Variants in NCOA1 observed in about 807,000 individuals in gnomAD.
NCOA1 encodes nuclear receptor coactivator 1.
In NCOA1, 35 loss-of-function variants were observed where a neutral mutation model predicts 150.9. The ratio of observed to expected loss-of-function variants is 0.23; its 90% CI spans 0.18 to 0.31. NCOA1 has a LOEUF of 0.31. Among genes scored for constraint, NCOA1 ranks in the 10% least tolerant of loss-of-function variants. The probability of loss-of-function intolerance (pLI) is 1.00; values close to 1 mark genes in which losing one functional copy is unlikely to be tolerated. For synonymous variants in NCOA1, 590 were observed against 630.0 expected (o/e 0.94, Z 0.95); for missense variants, 1,491 against 1,749.3 (o/e 0.85, Z 2.63).
At chr2:24,691,710 G>A in intron 9 of NCOA1, 50 bp downstream of exon 9, 1 of 1,551,904 alleles carries the variant, frequency 6.4e-7, no homozygotes, top group Non-Finnish European at 8.8e-7. Context: ...GTGACTTTAA[G>A]GAAAAGAGAG....
Position 24,747,829 on chromosome 2 carries a change from G to C in NCOA1, c.3707-4153G>C, listed in dbSNP as rs1664013292. On this transcript the variant is annotated intron_variant, in intron 19 of 22. Coordinates refer to ENST00000348332, the MANE Select transcript of NCOA1 (RefSeq NM_003743.5). ...ATAAATGAAAAAAAAAATGGATGCT[G>C]GGCACAGTGGTTCATGCCTGTAATC... Among the ~76,000 whole-genome samples, 3 of 152,096 alleles carry C rather than the reference G, an allele frequency of 2.0e-5. No homozygotes were observed. In the South Asian group the frequency reaches 6.2e-4, roughly 32 times the overall value.
At chr2:24,763,265 C>T (rs930747745) in intron 22 of NCOA1, among the ~76,000 whole-genome samples, 5 of 152,064 alleles carry the variant, frequency 3.3e-5, no homozygotes, top group Admixed American at 6.6e-5. Context: ...GTGGGCCGGG[C>T]GCGGTGGCTC....
At chr2:24,693,853 A>G (rs1341899812) in intron 10 of NCOA1, among the ~76,000 whole-genome samples, 1 of 152,034 alleles carries the variant, frequency 6.6e-6, no homozygotes, top group Non-Finnish European at 1.5e-5. Flanking sequence ...TTCAGTGACA[A>G]ATTGTGTTAT....
intron 1 of NCOA1, among the ~76,000 whole-genome samples, chr2:24,539,640 T>C (rs1189079245): frequency 6.6e-6 from 1 of 152,218 alleles, no homozygotes; most frequent in Non-Finnish European, 1.5e-5. Flanking sequence ...AGACTGAACC[T>C]TCACTACCTT....
At chr2:24,516,906 A>G (rs1664196843) in intron 1 of NCOA1, among the ~76,000 whole-genome samples, 1 of 135,978 alleles carries the variant, frequency 7.4e-6, no homozygotes, top group Non-Finnish European at 1.6e-5. Context: ...CCACATATAT[A>G]TGTGCATGTG....
chr2:24,561,734 A>G (rs1666299868), intron 1 of NCOA1, among the ~76,000 whole-genome samples: 1 of 152,232 alleles, frequency 6.6e-6, no homozygotes, highest in African/African-American at 2.4e-5. Flanking sequence ...TGAAATCACC[A>G]GGAATACCCT....
chr2:24,667,706 T>A (rs1215708964), intron 6 of NCOA1, among the ~76,000 whole-genome samples: 1 of 152,152 alleles, frequency 6.6e-6, no homozygotes, highest in African/African-American at 2.4e-5. Flanking sequence ...TTCCTCACAC[T>A]CTCTGCCCTG....
intron 8 of NCOA1, 72 bp downstream of exon 8, chr2:24,683,200 G>A: frequency 3.5e-6 from 3 of 851,282 alleles, no homozygotes; most frequent in Non-Finnish European, 3.3e-6. Context: ...TGTATAATAT[G>A]TGATTATTAT....
chr2:24,540,976 A>G (rs1665368820), intron 1 of NCOA1, among the ~76,000 whole-genome samples: 1 of 152,200 alleles, frequency 6.6e-6, no homozygotes, highest in Non-Finnish European at 1.5e-5. Context: ...TGCAACAGTA[A>G]AAGCATTTTG....
At chr2:24,659,567 AAT>A (rs1367387646) in intron 5 of NCOA1, among the ~76,000 whole-genome samples, 2 of 152,182 alleles carry the variant, frequency 1.3e-5, no homozygotes, top group African/African-American at 4.8e-5. Context: ...ACATTTGAAA[AAT>A]ATGTTTTTCT....
At chr2:24,524,334 C>T (rs997401681) in intron 1 of NCOA1, among the ~76,000 whole-genome samples, 6 of 152,280 alleles carry the variant, frequency 3.9e-5, no homozygotes, top group East Asian at 1.9e-4. Flanking sequence ...CGCACTCTGT[C>T]GCCCAGGCTG....
Position 24,726,623 on chromosome 2 carries a change from C to T in NCOA1, c.2634C>T (p.Asn878=). 6.2e-7 allele frequency: 1 copy of T among 1,609,644 alleles called. No individual in the cohort carries two copies. The highest frequency in any genetic ancestry group is 8.5e-7 in the Non-Finnish European group (1 of 1,177,872). The change falls in exon 15 of 23, where the codon AAC becomes AAT. Residue 878 remains asparagine (N), a synonymous_variant. Transcript: ENST00000348332. ...AGCTGGAATTGGAAGCAATTGATAA[C>T]CAATTTGGACAACCAGGAACAGGCG... ...LPELELEAID[N]QFGQPGTGDQ... is the part of the protein sequence containing the mutation.
intron 1 of NCOA1, among the ~76,000 whole-genome samples, chr2:24,544,640 G>T (rs1665535176): frequency 6.6e-6 from 1 of 152,138 alleles, no homozygotes; most frequent in Non-Finnish European, 1.5e-5. Context: ...TAGGGCAGCT[G>T]GGGTGGGAGG....
At chr2:24,765,763 CCTAT>C (rs1313671557) in intron 22 of NCOA1, among the ~76,000 whole-genome samples, 3 of 152,170 alleles carry the variant, frequency 2.0e-5, no homozygotes, top group African/African-American at 7.2e-5. Flanking sequence ...TCACACTTTG[CCTAT>C]CTGAGAAGTT....
chr2:24,691,247 A>G (rs1672655763), intron 8 of NCOA1, among the ~76,000 whole-genome samples: 1 of 152,134 alleles, frequency 6.6e-6, no homozygotes, highest in Admixed American at 6.6e-5. Flanking sequence ...ATTTGAGGGG[A>G]AGATCATACG....
At chr2:24,681,457 A>C (rs1225952900) in intron 7 of NCOA1, among the ~76,000 whole-genome samples, 4 of 152,250 alleles carry the variant, frequency 2.6e-5, no homozygotes, top group Non-Finnish European at 5.9e-5. Context: ...CAAGCTATTC[A>C]GGTCATTTTC....
At chr2:24,718,580 C>A (rs1572636415) in intron 14 of NCOA1, among the ~76,000 whole-genome samples, 1 of 151,830 alleles carries the variant, frequency 6.6e-6, no homozygotes, top group African/African-American at 2.4e-5. Context: ...ACCTGTAATC[C>A]CAACATTTTG....
chr2:24,610,366 C>G (rs963602736), intron 3 of NCOA1, among the ~76,000 whole-genome samples: 2 of 151,790 alleles, frequency 1.3e-5, no homozygotes, highest in African/African-American at 4.8e-5. Flanking sequence ...TGGTCTTGAT[C>G]TTCTGACCTC....
At chr2:24,679,817 T>C (rs1672084861) in intron 7 of NCOA1, among the ~76,000 whole-genome samples, 1 of 152,156 alleles carries the variant, frequency 6.6e-6, no homozygotes, top group South Asian at 2.1e-4. Context: ...CGTCCCTATC[T>C]CCTTTGCATT....
Sources: allele counts gnomAD v4.1 joint callset (sites outside exome capture counted in the v4.1 genomes callset), GRCh38; gene constraint gnomAD v4.1.1; transcripts MANE v1.5; gene names NCBI Gene and HGNC (gene_info 2026-07-23, HGNC 2026-07-21).